Variants in CLIC5 observed in about 807,000 individuals in gnomAD.
CLIC5 encodes the protein CLIC family member 5, also known as chloride intracellular channel protein 5.
CLIC5 carries 20 observed loss-of-function variants against 24.7 expected under a neutral mutation model. The observed-to-expected ratio is 0.81, with a 90% CI of 0.57 to 1.18. The LOEUF (loss-of-function observed/expected upper bound fraction) is 1.18. Among genes scored for constraint, CLIC5 ranks in the 50% most tolerant of loss-of-function variants. CLIC5 has a pLI of 0.00. For missense variants in CLIC5, 341 were observed against 326.1 expected, an observed-to-expected ratio of 1.05 and a Z score of -0.35; for synonymous variants, 159 against 135.6, an observed-to-expected ratio of 1.17 and a Z score of -1.20.
At chr6:46,031,289 C>A (rs1265799899) in intron 1 of CLIC5, among the ~76,000 whole-genome samples, 1 of 152,118 alleles carries the variant, frequency 6.6e-6, no homozygotes, top group African/African-American at 2.4e-5. Context: ...TGATTATTTG[C>A]TGTGTGCCAA....
rs183821756 is a variant in CLIC5, at chr6:45,906,711, C to T, written c.589-3456G>A. Among the ~76,000 whole-genome samples, 17 of 152,068 alleles carry T rather than the reference C, an allele frequency of 1.1e-4. No individual in the cohort carries two copies. In the East Asian group the frequency reaches 2.7e-3, roughly 24 times the overall value. On this transcript the variant is annotated intron_variant, in intron 5 of 5. Transcript: ENST00000339561. ...CTGAGTAGCTGGGATTACAGGCATG[C>T]GCCACCATGCCCAGCTAATTTTGTG...
intron 1 of CLIC5, among the ~76,000 whole-genome samples, chr6:46,029,190 A>C (rs1767429773): frequency 6.6e-6 from 1 of 152,202 alleles, no homozygotes; most frequent in African/African-American, 2.4e-5. Context: ...TACACAGAGC[A>C]GACACTTAAC....
At chr6:46,119,058 G>C in the CLIC5 span, among the ~76,000 whole-genome samples, 1 of 152,326 alleles carries the variant, frequency 6.6e-6, no homozygotes, top group Non-Finnish European at 1.5e-5. Flanking sequence ...GTGGCCTCTA[G>C]AGGCTGGAAA....
At chr6:45,967,594 G>A (rs1193570983) in intron 1 of CLIC5, among the ~76,000 whole-genome samples, 2 of 152,150 alleles carry the variant, frequency 1.3e-5, no homozygotes, top group Non-Finnish European at 1.5e-5. Flanking sequence ...GTATTAGGCT[G>A]TTTTTGTGTT....
At chr6:46,104,670 A>G in the CLIC5 span, among the ~76,000 whole-genome samples, 1 of 152,044 alleles carries the variant, frequency 6.6e-6, no homozygotes, top group African/African-American at 2.4e-5. Context: ...TGTTTAAAAA[A>G]AAAAAAAAAA....
chr6:46,002,769 C>G (rs987897397), intron 1 of CLIC5, among the ~76,000 whole-genome samples: 12 of 152,202 alleles, frequency 7.9e-5, no homozygotes, highest in Admixed American at 7.9e-4. Context: ...ACAGGTGCGT[C>G]TTTAGGCTGC....
At chr6:46,023,890 C>CA (rs577419053) in intron 1 of CLIC5, among the ~76,000 whole-genome samples, 1,803 of 141,620 alleles carry the variant, frequency 0.013, 24 homozygotes, top group African/African-American at 0.018. Context: ...TAACAAAATT[C>CA]AAAAAAAAAA....
At chr6:45,937,957 C>T (rs1019915228) in intron 4 of CLIC5, among the ~76,000 whole-genome samples, 3 of 151,864 alleles carry the variant, frequency 2.0e-5, no homozygotes, top group Non-Finnish European at 4.4e-5. Context: ...TTTGAGAGGG[C>T]AGAAAAGGAT....
At chr6:46,049,425 C>G (rs934025611) in intron 1 of CLIC5, among the ~76,000 whole-genome samples, 2 of 152,168 alleles carry the variant, frequency 1.3e-5, no homozygotes, top group African/African-American at 2.4e-5. Context: ...TCTCCCCTTC[C>G]TCTCTTTTCT....
intron 5 of CLIC5, among the ~76,000 whole-genome samples, chr6:45,905,483 T>G (rs75278339): frequency 1.4e-5 from 2 of 138,746 alleles, no homozygotes; most frequent in Non-Finnish European, 3.1e-5. Flanking sequence ...TACTGAGCTT[T>G]TTTTTTTTTT....
intron 1 of CLIC5, among the ~76,000 whole-genome samples, chr6:46,074,074 C>T (rs1303654778): frequency 6.6e-6 from 1 of 152,050 alleles, no homozygotes; most frequent in Non-Finnish European, 1.5e-5. Context: ...GGAAAGCCTA[C>T]AAATCAGTAA....
At chr6:45,915,280 C>T (rs1481637619) in intron 4 of CLIC5, among the ~76,000 whole-genome samples, 2 of 152,050 alleles carry the variant, frequency 1.3e-5, no homozygotes, top group Non-Finnish European at 2.9e-5. Context: ...TGCTAATATT[C>T]CACATCAACC....
rs142302195 is a variant in CLIC5, at chr6:45,942,625, C to T, written c.300-972G>A. 7.3e-3 allele frequency among the ~76,000 whole-genome samples: 1,107 copies of T among 152,310 alleles called. 19 individuals are homozygous for T. Among genetic ancestry groups the T allele is most frequent in the Admixed American group, 0.027 (419 of 15,298 alleles). ...GACTGTGGGCTGGTGGGTTGCCTTA[C>T]GTTTAAAAAGCAAAATCCTTTTTGT... On this transcript the variant is annotated intron_variant, in intron 3 of 5. Transcript: ENST00000339561.
chr6:46,040,977 T>C (rs77268910), intron 1 of CLIC5, among the ~76,000 whole-genome samples: 6,681 of 152,258 alleles, frequency 0.044, 212 homozygotes, highest in Non-Finnish European at 0.071. Flanking sequence ...AAATTAAAAA[T>C]GGTCTGTAAA....
the CLIC5 span, among the ~76,000 whole-genome samples, chr6:46,095,870 G>A: frequency 6.6e-6 from 1 of 150,748 alleles, no homozygotes; most frequent in Non-Finnish European, 1.5e-5. Context: ...TCTGTACTAA[G>A]CTGCTTCCAT....
chr6:46,001,187 T>C (rs1766343068), intron 1 of CLIC5, among the ~76,000 whole-genome samples: 1 of 152,144 alleles, frequency 6.6e-6, no homozygotes, highest in South Asian at 2.1e-4. Flanking sequence ...AGATAGTCCA[T>C]GGTTTTTCTC....
intron 1 of CLIC5, among the ~76,000 whole-genome samples, chr6:45,998,787 C>A (rs965538519): frequency 6.6e-6 from 1 of 152,200 alleles, no homozygotes; most frequent in Admixed American, 6.5e-5. Context: ...AGGCATCATG[C>A]CACATTCGTT....
chr6:46,126,601 C>A, the CLIC5 span, among the ~76,000 whole-genome samples: 1 of 152,128 alleles, frequency 6.6e-6, no homozygotes, highest in Admixed American at 6.5e-5. Flanking sequence ...ACCAAAGGAA[C>A]TTTCAAAATC....
At chr6:46,005,133 A>G (rs896513937) in intron 1 of CLIC5, among the ~76,000 whole-genome samples, 5 of 152,112 alleles carry the variant, frequency 3.3e-5, no homozygotes, top group African/African-American at 1.2e-4. Context: ...CAATCTCCCA[A>G]ATTGGATGTT....
Sources: allele counts gnomAD v4.1 joint callset (sites outside exome capture counted in the v4.1 genomes callset), GRCh38; gene constraint gnomAD v4.1.1; transcripts MANE v1.5; gene names NCBI Gene and HGNC (gene_info 2026-07-23, HGNC 2026-07-21).